Variants in ELMO1 observed in about 807,000 individuals in gnomAD.
The protein encoded by ELMO1 is engulfment and cell motility 1, also known as engulfment and cell motility protein 1.
ELMO1 carries 26 observed loss-of-function variants against 98.9 expected under a neutral mutation model. The observed-to-expected ratio is 0.26, with a 90% CI of 0.19 to 0.36. The LOEUF is 0.36. Ranked by LOEUF, ELMO1 falls within the 10% of genes least tolerant of loss-of-function variation. ELMO1 has a pLI of 1.00. For synonymous variants in ELMO1, 346 were observed against 346.0 expected (o/e 1.00, Z 0.00); for missense variants, 627 against 935.2 (o/e 0.67, Z 4.30).
At chr7:37,321,319 C>T (rs1799478127) in intron 2 of ELMO1, among the ~76,000 whole-genome samples, 1 of 152,188 alleles carries the variant, frequency 6.6e-6, no homozygotes, top group South Asian at 2.1e-4. Context: ...TAAGGTACGT[C>T]TATCTGTCCA....
chr7:37,056,463 G>A (rs988453782), intron 15 of ELMO1, among the ~76,000 whole-genome samples: 1 of 152,190 alleles, frequency 6.6e-6, no homozygotes, highest in Non-Finnish European at 1.5e-5. Flanking sequence ...TGCAGTGTCG[G>A]TGACTGTCAG....
chr7:37,153,806 C>T (rs1254642652), intron 13 of ELMO1, among the ~76,000 whole-genome samples: 1 of 152,176 alleles, frequency 6.6e-6, no homozygotes, highest in Non-Finnish European at 1.5e-5. Flanking sequence ...AGCAGTGGTT[C>T]TCCCAGCACA....
Position 37,211,447 on chromosome 7 carries a change from C to T in ELMO1, c.1025G>A (p.Ser342Asn), listed in dbSNP as rs747466144. 2 of 1,614,022 alleles carry T rather than the reference C, an allele frequency of 1.2e-6. No homozygotes were observed. Among genetic ancestry groups the T allele is most frequent in the East Asian group, 2.2e-5 (1 of 44,840 alleles). ...FDAESEPNNS[S>N]GSMEKRKSMY... ...GGACTTGCGTTTCTCCATGCTGCCACTGCTGTTGTTAGGTTCAGACTCAGC... is the reference window on the plus strand; with the variant it reads ...GGACTTGCGTTTCTCCATGCTGCCATTGCTGTTGTTAGGTTCAGACTCAGC... Residue 342 changes from serine to asparagine, a missense_variant, in exon 13 of 22, where the codon AGT (serine) becomes AAT (asparagine). Physicochemically the swap from Ser to Asn is conservative, Grantham distance 46. Transcript: ENST00000310758.
intron 16 of ELMO1, among the ~76,000 whole-genome samples, chr7:36,962,162 C>A (rs1789003750): frequency 6.6e-6 from 1 of 152,176 alleles, no homozygotes; most frequent in Admixed American, 6.5e-5. Flanking sequence ...TGGTTCCAAG[C>A]AGACCAGTAT....
chr7:37,334,191 G>A (rs1800272784), intron 2 of ELMO1, among the ~76,000 whole-genome samples: 1 of 152,160 alleles, frequency 6.6e-6, no homozygotes, highest in Non-Finnish European at 1.5e-5. Context: ...CCCTGACCTA[G>A]TCCATTCTCA....
At chr7:37,090,492 C>T (rs1047891717) in intron 15 of ELMO1, among the ~76,000 whole-genome samples, 1 of 152,208 alleles carries the variant, frequency 6.6e-6, no homozygotes, top group South Asian at 2.1e-4. Flanking sequence ...ACTGCTTCTG[C>T]TAGCACCTCT....
At chr7:37,159,083 G>A (rs1311280121) in intron 13 of ELMO1, among the ~76,000 whole-genome samples, 3 of 152,112 alleles carry the variant, frequency 2.0e-5, no homozygotes, top group Non-Finnish European at 4.4e-5. Flanking sequence ...ATGTTCCCAC[G>A]CATAAGTGGG....
At chr7:37,112,104 G>C (rs977139922) in intron 14 of ELMO1, among the ~76,000 whole-genome samples, 2 of 151,990 alleles carry the variant, frequency 1.3e-5, no homozygotes, top group African/African-American at 4.8e-5. Flanking sequence ...GAAAAAAGAG[G>C]AACACAACCC....
chr7:37,152,444 C>CT (rs11421529), intron 13 of ELMO1, among the ~76,000 whole-genome samples: 17,974 of 143,678 alleles, frequency 0.13, 1,407 homozygotes, highest in African/African-American at 0.23. Flanking sequence ...AATGTTGGGG[C>CT]TTTTTTTTTT....
At chr7:37,261,705 C>T (rs751439617) in intron 5 of ELMO1, among the ~76,000 whole-genome samples, 13 of 152,182 alleles carry the variant, frequency 8.5e-5, no homozygotes, top group South Asian at 4.2e-4. Flanking sequence ...CAGATTCAAG[C>T]GATTCTCCTG....
chr7:37,283,559 C>A (rs1157379022), intron 4 of ELMO1, among the ~76,000 whole-genome samples: 1 of 152,218 alleles, frequency 6.6e-6, no homozygotes, highest in Non-Finnish European at 1.5e-5. Context: ...TGGACTTGGC[C>A]TTGAAGTTAG....
intron 1 of ELMO1, among the ~76,000 whole-genome samples, chr7:37,406,452 C>T (rs1250225887): frequency 6.6e-6 from 1 of 151,270 alleles, no homozygotes; most frequent in Non-Finnish European, 1.5e-5. Context: ...TTTTATGAGA[C>T]AGAGTCTTGC....
intron 15 of ELMO1, among the ~76,000 whole-genome samples, chr7:37,095,886 T>G (rs554145324): frequency 6.6e-6 from 1 of 152,212 alleles, no homozygotes; most frequent in Admixed American, 6.5e-5. Context: ...GAAAGATTTA[T>G]ATGTGTGCTG....
chr7:37,292,527 A>C (rs1280392844), intron 4 of ELMO1, among the ~76,000 whole-genome samples: 6 of 60,142 alleles, frequency 1.0e-4, no homozygotes, highest in Admixed American at 3.2e-4. Flanking sequence ...GGCCGCCATC[A>C]CATCTGGGAA....
intron 16 of ELMO1, among the ~76,000 whole-genome samples, chr7:36,910,558 C>T (rs547227774): frequency 6.6e-6 from 1 of 152,198 alleles, no homozygotes; most frequent in Non-Finnish European, 1.5e-5. Context: ...ACAACAGGCA[C>T]TGGAATCAGG....
intron 1 of ELMO1, among the ~76,000 whole-genome samples, chr7:37,421,397 C>T (rs1372595312): frequency 6.6e-6 from 1 of 152,216 alleles, no homozygotes; most frequent in East Asian, 1.9e-4. Context: ...GCCAGAAGGG[C>T]TCAAAATTGC....
chr7:37,075,177 C>T (rs1015900767), intron 15 of ELMO1, among the ~76,000 whole-genome samples: 42 of 148,146 alleles, frequency 2.8e-4, no homozygotes, highest in African/African-American at 9.3e-4. Context: ...GATGGAGTCT[C>T]GCTCTGTTGC....
intron 1 of ELMO1, among the ~76,000 whole-genome samples, chr7:37,363,530 C>T (rs1424449116): frequency 6.6e-6 from 1 of 152,114 alleles, no homozygotes; most frequent in African/African-American, 2.4e-5. Context: ...TCTCCTATCC[C>T]CATCCCACAT....
chr7:37,340,097 G>A (rs932518215), intron 2 of ELMO1, among the ~76,000 whole-genome samples: 1 of 152,132 alleles, frequency 6.6e-6, no homozygotes, highest in Non-Finnish European at 1.5e-5. Context: ...TCCTGGACAG[G>A]ATATTACACC....
Sources: allele counts gnomAD v4.1 joint callset (sites outside exome capture counted in the v4.1 genomes callset), GRCh38; gene constraint gnomAD v4.1.1; transcripts MANE v1.5; gene names NCBI Gene and HGNC (gene_info 2026-07-23, HGNC 2026-07-21).